The following ADAM18 variants were observed in gnomAD, a reference collection of about 807,000 sequenced individuals.
ADAM18 encodes the protein disintegrin and metalloproteinase domain-containing protein 18.
A neutral mutation model predicts 94.4 loss-of-function variants in ADAM18; 117 were observed. The ratio of observed to expected loss-of-function variants is 1.24; its 90% CI spans 1.07 to 1.45. The LOEUF is 1.45. ADAM18 is among the 40% of genes most tolerant of loss of function. ADAM18 has a pLI of 0.00. For missense variants in ADAM18, 936 were observed against 880.0 expected (o/e 1.06, Z -0.81); for synonymous variants, 327 against 291.6 (o/e 1.12, Z -1.24).
At chr8:39,599,773 C>T (rs1271304276) in intron 2 of ADAM18, among the ~76,000 whole-genome samples, 1 of 151,768 alleles carries the variant, frequency 6.6e-6, no homozygotes, top group Admixed American at 6.6e-5. Flanking sequence ...AGCTTCCATC[C>T]TTCATATTAT....
chr8:39,600,329 T>C (rs1000261468), intron 2 of ADAM18, among the ~76,000 whole-genome samples: 3 of 152,224 alleles, frequency 2.0e-5, no homozygotes, highest in Non-Finnish European at 4.4e-5. Context: ...ATTTAATATC[T>C]AAAAACTTGA....
intron 17 of ADAM18, among the ~76,000 whole-genome samples, chr8:39,693,700 C>G (rs78367085): frequency 0.021 from 3,164 of 150,670 alleles, 106 homozygotes; most frequent in African/African-American, 0.073. Flanking sequence ...TTGATAAAAC[C>G]TTTTACTATG....
chr8:39,675,775 G>T (rs1821284512), intron 14 of ADAM18, among the ~76,000 whole-genome samples: 1 of 152,162 alleles, frequency 6.6e-6, no homozygotes, highest in Admixed American at 6.5e-5. Context: ...TCTACCTTTG[G>T]TCTTTGATGT....
chr8:39,677,609 T>C, intron 15 of ADAM18, 73 bp downstream of exon 15: 1 of 1,004,338 alleles, frequency 1.0e-6, no homozygotes, highest in Non-Finnish European at 1.4e-6. Flanking sequence ...CACTAAGTAG[T>C]AATGAACACT....
At chr8:39,715,768 C>T (rs1456060120) in intron 18 of ADAM18, among the ~76,000 whole-genome samples, 1 of 151,884 alleles carries the variant, frequency 6.6e-6, no homozygotes, top group Non-Finnish European at 1.5e-5. Flanking sequence ...TCTAATAGGC[C>T]TATACATACT....
chr8:39,608,429 C>T (rs1161156688), intron 3 of ADAM18, among the ~76,000 whole-genome samples: 1 of 151,896 alleles, frequency 6.6e-6, no homozygotes, highest in African/African-American at 2.4e-5. Context: ...TATAGTCTGT[C>T]TTCATCACTC....
chr8:39,604,279 G>A (rs1245285638), intron 2 of ADAM18, among the ~76,000 whole-genome samples: 1 of 152,096 alleles, frequency 6.6e-6, no homozygotes, highest in Non-Finnish European at 1.5e-5. Flanking sequence ...CATTTGATAA[G>A]CCCTCATTAC....
At chr8:39,607,447 T>C (rs1233155249) in intron 3 of ADAM18, among the ~76,000 whole-genome samples, 1 of 152,222 alleles carries the variant, frequency 6.6e-6, no homozygotes, top group Non-Finnish European at 1.5e-5. Flanking sequence ...TTATTCTCAC[T>C]TAATTCATGA....
chr8:39,720,554 C>T (rs983429458), intron 18 of ADAM18, among the ~76,000 whole-genome samples: 1 of 151,020 alleles, frequency 6.6e-6, no homozygotes, highest in African/African-American at 2.4e-5. Context: ...CTAGTTAAAC[C>T]CATTCTTTAT....
chr8:39,669,809 T>C (rs1821103721), intron 14 of ADAM18, among the ~76,000 whole-genome samples: 2 of 152,304 alleles, frequency 1.3e-5, no homozygotes, highest in Admixed American at 6.5e-5. Flanking sequence ...GCATGATTTA[T>C]AATCCTTTGG....
At chr8:39,706,334 G>C (rs1378521124) in intron 17 of ADAM18, among the ~76,000 whole-genome samples, 1 of 152,000 alleles carries the variant, frequency 6.6e-6, no homozygotes, top group African/African-American at 2.4e-5. Flanking sequence ...TTGAAAAGGG[G>C]CTAGGATAAG....
intron 12 of ADAM18, among the ~76,000 whole-genome samples, chr8:39,663,489 C>T (rs1585954890): frequency 6.9e-6 from 1 of 144,398 alleles, no homozygotes; most frequent in South Asian, 2.2e-4. Context: ...GTCCCAGCTA[C>T]TCAGGAGGCT....
chr8:39,636,008 TG>T (rs1158010232), intron 7 of ADAM18, among the ~76,000 whole-genome samples: 5 of 149,214 alleles, frequency 3.4e-5, no homozygotes, highest in Admixed American at 6.7e-5. Context: ...TAAGTTTTTT[TG>T]TTTTTTTTTT....
chr8:39,628,597 A>G (rs1819840724), intron 6 of ADAM18, among the ~76,000 whole-genome samples: 1 of 152,058 alleles, frequency 6.6e-6, no homozygotes, highest in Non-Finnish European at 1.5e-5. Flanking sequence ...AGACTATTCT[A>G]TTGCAGATTC....
At chr8:39,645,085 C>A (rs1269865645) in intron 10 of ADAM18, among the ~76,000 whole-genome samples, 2 of 151,982 alleles carry the variant, frequency 1.3e-5, no homozygotes, top group African/African-American at 4.8e-5. Flanking sequence ...TCAGAAATAC[C>A]ACCTGTTCAA....
chr8:39,723,643 A>T, intron 18 of ADAM18, 105 bp from the exon 19 acceptor site: 1 of 810,514 alleles, frequency 1.2e-6, no homozygotes, highest in Non-Finnish European at 1.7e-6. Context: ...TTTGCAATGC[A>T]TTAAAACTTC....
At chr8:39,721,984 C>T (rs1822763018) in intron 18 of ADAM18, among the ~76,000 whole-genome samples, 1 of 150,740 alleles carries the variant, frequency 6.6e-6, no homozygotes, top group African/African-American at 2.4e-5. Flanking sequence ...ATGGAATCAA[C>T]CTAAGTGTCC....
chr8:39,707,283 A>C (rs1822267073), intron 18 of ADAM18, among the ~76,000 whole-genome samples: 1 of 152,110 alleles, frequency 6.6e-6, no homozygotes, highest in South Asian at 2.1e-4. Flanking sequence ...CCTCTCCAGC[A>C]ATTTTTCTGT....
At chr8:39,623,360 A>G (rs1167579628) in intron 6 of ADAM18, among the ~76,000 whole-genome samples, 1 of 152,154 alleles carries the variant, frequency 6.6e-6, no homozygotes, top group East Asian at 1.9e-4. Flanking sequence ...GGGATAATCA[A>G]CAGTGGGTTT....
Sources: gnomAD v4.1 joint callset for allele counts (sites outside exome capture counted in the v4.1 genomes callset) on GRCh38, gnomAD v4.1.1 for gene constraint, MANE v1.5 for transcripts, NCBI Gene and HGNC (gene_info 2026-07-23, HGNC 2026-07-21) for gene names.